CSNK1G3: variants seen among roughly 807,000 people sequenced by gnomAD.
CSNK1G3 encodes casein kinase 1 gamma 3, also known as casein kinase I isoform gamma-3.
Under a neutral mutation model 64.3 loss-of-function variants are expected in CSNK1G3, and 23 were observed. That is an observed-to-expected ratio of 0.36 (90% CI 0.26 to 0.51). The LOEUF (loss-of-function observed/expected upper bound fraction) is 0.51. Among genes scored for constraint, CSNK1G3 ranks in the 20% least tolerant of loss-of-function variants. CSNK1G3 has a pLI of 0.96. For missense variants in CSNK1G3, 357 were observed against 510.5 expected (o/e 0.70, Z 2.90); for synonymous variants, 158 against 162.2 (o/e 0.97, Z 0.20).
chr5:123,600,273 A>G (rs1051070801), intron 10 of CSNK1G3, among the ~76,000 whole-genome samples: 10 of 152,178 alleles, frequency 6.6e-5, no homozygotes, highest in African/African-American at 2.4e-4. Flanking sequence ...TATTTGGTTA[A>G]TTCATACATT....
intron 5 of CSNK1G3, among the ~76,000 whole-genome samples, chr5:123,574,850 A>G (rs1217826700): frequency 6.6e-6 from 1 of 152,036 alleles, no homozygotes; most frequent in Non-Finnish European, 1.5e-5. Flanking sequence ...ACATCAAAAA[A>G]CCAACCAACT....
At chr5:123,570,559 T>C (rs1484200727) in intron 4 of CSNK1G3, among the ~76,000 whole-genome samples, 1 of 152,138 alleles carries the variant, frequency 6.6e-6, no homozygotes, top group East Asian at 1.9e-4. Flanking sequence ...TTTCACCATG[T>C]GGGCCAGGCT....
chr5:123,513,252 AC>A, intron 1 of CSNK1G3, among the ~76,000 whole-genome samples: 1 of 152,244 alleles, frequency 6.6e-6, no homozygotes, highest in South Asian at 2.1e-4. Context: ...GGGAAGTGAC[AC>A]TGAGAAGCAT....
At chr5:123,566,074 C>T (rs1786813837) in intron 4 of CSNK1G3, among the ~76,000 whole-genome samples, 1 of 152,104 alleles carries the variant, frequency 6.6e-6, no homozygotes, top group Admixed American at 6.5e-5. Flanking sequence ...CCTTAATGGT[C>T]TACTTAACTA....
intron 4 of CSNK1G3, among the ~76,000 whole-genome samples, chr5:123,560,810 GGA>G (rs1266255852): frequency 1.3e-5 from 2 of 152,182 alleles, no homozygotes; most frequent in Non-Finnish European, 2.9e-5. Flanking sequence ...GGGGGCTTGG[GGA>G]GAGGGCAGAA....
intron 1 of CSNK1G3, among the ~76,000 whole-genome samples, chr5:123,521,999 A>G (rs967388276): frequency 1.3e-5 from 2 of 152,218 alleles, no homozygotes; most frequent in African/African-American, 4.8e-5. Flanking sequence ...AGGGTTGAAA[A>G]TAACTAATTT....
chr5:123,546,763 T>A (rs112404143), intron 2 of CSNK1G3, among the ~76,000 whole-genome samples: 39 of 152,268 alleles, frequency 2.6e-4, no homozygotes, highest in African/African-American at 8.7e-4. Context: ...TTCAACTACT[T>A]CTTCTTTTCA....
chr5:123,545,741 T>G (rs752765883), exon 2 of CSNK1G3: 2 of 1,613,582 alleles, frequency 1.2e-6, no homozygotes, highest in Non-Finnish European at 1.7e-6. Context: ...GACACAACAC[T>G]CGAGGAACTG....
At chr5:123,573,658 A>G (rs927202789) in intron 5 of CSNK1G3, 117 bp downstream of exon 5, 5 of 766,830 alleles carry the variant, frequency 6.5e-6, no homozygotes, top group Non-Finnish European at 9.8e-6. Flanking sequence ...GACGTAATAC[A>G]AATGTTTCTA....
intron 1 of CSNK1G3, among the ~76,000 whole-genome samples, chr5:123,523,216 TTTACC>T (rs879311809): frequency 2.0e-5 from 3 of 152,148 alleles, no homozygotes; most frequent in Non-Finnish European, 4.4e-5. Context: ...GTGAAAAAAT[TTTACC>T]TTAGTTATAG....
At chr5:123,582,735 G>A (rs1790535378) in intron 6 of CSNK1G3, among the ~76,000 whole-genome samples, 1 of 152,104 alleles carries the variant, frequency 6.6e-6, no homozygotes. Context: ...ATGTGAACAG[G>A]CTTTAATAGG....
intron 10 of CSNK1G3, among the ~76,000 whole-genome samples, chr5:123,597,698 C>T (rs1463119844): frequency 6.6e-6 from 1 of 151,972 alleles, no homozygotes; most frequent in African/African-American, 2.4e-5. Flanking sequence ...TATAGCAGAC[C>T]AGACAGAGTT....
At position 123,534,056 on chromosome 5, in the gene CSNK1G3, G is replaced by T. The variant is rs184709059; in HGVS notation, c.-247-11361G>T. On this transcript the variant is annotated intron_variant, in intron 1 of 12. Transcript: ENST00000345990. ...GACTAGAAATGTTTAGAGATAGAAA[G>T]AACTCATTTATTCATCTACAGTATG... Among the ~76,000 whole-genome samples, 179 of 151,996 alleles carry T rather than the reference G, an allele frequency of 1.2e-3. 2 individuals are homozygous for T. Among genetic ancestry groups the T allele is most frequent in the Non-Finnish European group, 1.4e-3 (92 of 67,948 alleles).
intron 6 of CSNK1G3, among the ~76,000 whole-genome samples, chr5:123,581,024 A>G (rs2150823248): frequency 6.6e-6 from 1 of 152,040 alleles, no homozygotes; most frequent in African/African-American, 2.4e-5. Flanking sequence ...GGTGTGATTC[A>G]TATAATTTAA....
At chr5:123,536,324 A>G (rs1319697891) in intron 1 of CSNK1G3, among the ~76,000 whole-genome samples, 1 of 151,792 alleles carries the variant, frequency 6.6e-6, no homozygotes, top group Non-Finnish European at 1.5e-5. Context: ...TTTTTTTGAT[A>G]TTTGATTAAT....
In CSNK1G3 at chr5:123,573,798, A is replaced by G. The variant is rs80234548; in HGVS notation, c.438+257A>G. Reference sequence around the variant, plus strand: ...TTTGCAAATTAAGTTGTTGCTAGCCATTTCTTCATATAAAAGATGATTACT... The same window carrying G: ...TTTGCAAATTAAGTTGTTGCTAGCCGTTTCTTCATATAAAAGATGATTACT... On this transcript the variant is annotated intron_variant, in intron 5 of 12. Coordinates refer to ENST00000345990, the Ensembl canonical transcript of CSNK1G3. Among the ~76,000 whole-genome samples, 922 of 151,954 alleles carry G rather than the reference A, an allele frequency of 6.1e-3. 14 individuals are homozygous for G. The highest frequency in any genetic ancestry group is 0.021 in the African/African-American group (867 of 41,414).
intron 10 of CSNK1G3, among the ~76,000 whole-genome samples, chr5:123,593,859 T>G (rs1792906883): frequency 6.6e-6 from 1 of 152,158 alleles, no homozygotes; most frequent in Admixed American, 6.5e-5. Context: ...AAGGTTGTTC[T>G]GGCCAACAAT....
At chr5:123,599,311 T>C (rs1290092004) in intron 10 of CSNK1G3, among the ~76,000 whole-genome samples, 2 of 152,190 alleles carry the variant, frequency 1.3e-5, no homozygotes, top group East Asian at 1.9e-4. Context: ...ATCTAATGAA[T>C]AATGTGACTC....
At chr5:123,525,760 G>C (rs1206920928) in intron 1 of CSNK1G3, among the ~76,000 whole-genome samples, 1 of 152,040 alleles carries the variant, frequency 6.6e-6, no homozygotes, top group Non-Finnish European at 1.5e-5. Flanking sequence ...TTGGGAGGCT[G>C]AGGCGGGCGG....
Sources: gnomAD v4.1 joint callset for allele counts (sites outside exome capture counted in the v4.1 genomes callset) on GRCh38, gnomAD v4.1.1 for gene constraint, MANE v1.5 for transcripts, NCBI Gene and HGNC (gene_info 2026-07-23, HGNC 2026-07-21) for gene names.